The following MYO6 variants were observed in gnomAD, a reference collection of about 807,000 sequenced individuals.
MYO6 encodes unconventional myosin-VI.
Under a neutral mutation model 178.7 loss-of-function variants are expected in MYO6, and 74 were observed. The observed-to-expected ratio is 0.41, with a 90% CI of 0.34 to 0.50. The LOEUF (loss-of-function observed/expected upper bound fraction) is 0.50, where lower values mean the gene tolerates loss of function less well. Among genes scored for constraint, MYO6 ranks in the 20% least tolerant of loss-of-function variants. The pLI is 0.09. For synonymous variants in MYO6, 477 were observed against 504.6 expected, an observed-to-expected ratio of 0.95 and a Z score of 0.73; for missense variants, 1,330 against 1,547.4, an observed-to-expected ratio of 0.86 and a Z score of 2.36.
intron 1 of MYO6, among the ~76,000 whole-genome samples, chr6:75,777,840 A>G (rs1766544319): frequency 6.6e-6 from 1 of 152,180 alleles, no homozygotes; most frequent in Admixed American, 6.5e-5. Context: ...TTCAGTTTCC[A>G]GAATGAAATT....
chr6:75,845,353 C>T (rs546633552), intron 10 of MYO6, among the ~76,000 whole-genome samples: 2 of 152,204 alleles, frequency 1.3e-5, no homozygotes, highest in East Asian at 1.9e-4. Context: ...TCAAGGCTGA[C>T]GTGAGGTTTG....
rs1311289790 is a variant in MYO6 at position 75,917,777 on chromosome 6, T to C, written c.*2765T>C. 6.6e-6 allele frequency: 1 copy of C among 152,640 alleles called. No homozygotes were observed. Among genetic ancestry groups the C allele is most frequent in the Non-Finnish European group, 1.5e-5 (1 of 68,040 alleles). 9.5% of individuals were successfully genotyped at this position (152,640 alleles called of 1,614,324 possible). A position where few individuals can be genotyped will look rare whatever the true frequency, so the allele number is the denominator to read the frequency against. On this transcript the variant is annotated 3_prime_UTR_variant, in exon 35 of 35. Coordinates refer to ENST00000369977, the MANE Select transcript of MYO6 (RefSeq NM_004999.4). ...GAGAATAGCAATCCACAGGCAAGAATAATGGTATTGTTTGTAGAGCTTTAT... is the reference window on the plus strand; with the variant it reads ...GAGAATAGCAATCCACAGGCAAGAACAATGGTATTGTTTGTAGAGCTTTAT...
Position 75,879,927 on chromosome 6 carries a change from T to G in MYO6, c.2185T>G (p.Leu729Val). The change falls in exon 21 of 35, where the codon TTG becomes GTG. Residue 729 changes from leucine (L) to valine (V), a missense_variant. Leu to Val is a conservative substitution (Grantham distance 32). Transcript: ENST00000369977. ...KKYMPDKLAR[L>V]DPRLFCKALF... ...GTATATGCCAGATAAACTTGCAAGA[T>G]TGGATCCAAGACTATTTTGTAAGGT... The G allele has an allele frequency of 6.2e-7, 1 of 1,614,168 alleles. No individual in the cohort carries two copies. The highest frequency in any genetic ancestry group is 1.1e-5 in the South Asian group (1 of 91,086).
At chr6:75,749,959 A>G (rs961185767) in intron 1 of MYO6, among the ~76,000 whole-genome samples, 11 of 152,124 alleles carry the variant, frequency 7.2e-5, no homozygotes, top group African/African-American at 2.7e-4. Context: ...TTTTTTTGTT[A>G]ATTTCCAAAA....
At chr6:75,905,736 C>T (rs187592166) in intron 30 of MYO6, among the ~76,000 whole-genome samples, 69 of 152,350 alleles carry the variant, frequency 4.5e-4, no homozygotes, top group African/African-American at 1.5e-3. Flanking sequence ...GCCATCTTGG[C>T]TCGTGCCTCC....
At chr6:75,846,361 T>G (rs1335649502) in intron 10 of MYO6, among the ~76,000 whole-genome samples, 5 of 152,038 alleles carry the variant, frequency 3.3e-5, no homozygotes. Context: ...GCTTCTACAT[T>G]TGTAAGCCCG....
At position 75,749,250 on chromosome 6, in the gene MYO6, C is replaced by T. The variant is rs1002856816; in HGVS notation, c.-221C>T. Reference sequence around the variant, plus strand: ...GCCGGCCGGCGGGCGGAGACCGACTCGGGATCTGTCCGAGCAGGAAGCCAG... The same window carrying T: ...GCCGGCCGGCGGGCGGAGACCGACTTGGGATCTGTCCGAGCAGGAAGCCAG... On this transcript the variant is annotated 5_prime_UTR_variant, in exon 1 of 35. Transcript: ENST00000369977. 12 of 151,232 alleles carry T rather than the reference C, an allele frequency of 7.9e-5. No homozygotes were observed. The highest frequency in any genetic ancestry group is 2.7e-4 in the African/African-American group (11 of 41,366). 9.4% of individuals were successfully genotyped at this position (151,232 alleles called of 1,614,324 possible).
In MYO6 at chr6:75,919,398, T is replaced by G. The variant is rs1020702531; in HGVS notation, c.*4386T>G. 2 of 152,202 alleles carry G rather than the reference T, an allele frequency of 1.3e-5. No individual in the cohort carries two copies. The highest frequency in any genetic ancestry group is 1.3e-4 in the Admixed American group (2 of 15,180). The allele number at this position is 152,202 out of a possible 1,614,324, so 9.4% of individuals were successfully genotyped here. ...TCACAGGCTTATTAGTTGGGTGTTT[T>G]CTTTTTACTTATGAAAATTCATCTA... On this transcript the variant is annotated 3_prime_UTR_variant, in exon 35 of 35. Coordinates refer to ENST00000369977, the MANE Select transcript of MYO6 (RefSeq NM_004999.4).
chr6:75,795,605 G>A (rs1485948208), intron 1 of MYO6, among the ~76,000 whole-genome samples: 1 of 152,106 alleles, frequency 6.6e-6, no homozygotes, highest in East Asian at 1.9e-4. Context: ...ATTCCACTGG[G>A]AGACATTCCC....
intron 3 of MYO6, among the ~76,000 whole-genome samples, chr6:75,828,011 A>C (rs1455066835): frequency 5.3e-5 from 8 of 152,212 alleles, no homozygotes; most frequent in Non-Finnish European, 1.0e-4. Context: ...TTATCTGTTC[A>C]AACTCTCCCA....
At chr6:75,812,516 T>C (rs2150150978) in intron 1 of MYO6, among the ~76,000 whole-genome samples, 1 of 152,332 alleles carries the variant, frequency 6.6e-6, no homozygotes, top group South Asian at 2.1e-4. Flanking sequence ...TTGACTGTAG[T>C]CACCCTCTTG....
intron 1 of MYO6, among the ~76,000 whole-genome samples, chr6:75,789,293 C>T (rs1281262532): frequency 6.6e-6 from 1 of 152,152 alleles, no homozygotes; most frequent in Non-Finnish European, 1.5e-5. Flanking sequence ...CTAAATACAT[C>T]TCAATTTTAA....
At chr6:75,796,473 G>A (rs1273579112) in intron 1 of MYO6, among the ~76,000 whole-genome samples, 1 of 151,998 alleles carries the variant, frequency 6.6e-6, no homozygotes, top group Non-Finnish European at 1.5e-5. Flanking sequence ...TACATGTACA[G>A]GTTTGTTACA....
intron 13 of MYO6, 81 bp from the exon 14 acceptor site, chr6:75,858,821 T>C: frequency 1.2e-6 from 1 of 814,696 alleles, no homozygotes; most frequent in Non-Finnish European, 2.0e-6. Context: ...TAAGCCATTA[T>C]TACAATTACA....
At position 75,914,238 on chromosome 6, in the gene MYO6, A is replaced by G. The variant is rs765058576; in HGVS notation, c.3615A>G (p.Gln1205=). The stretch of plus-strand genomic sequence containing the variant: ...TTGATGGACCATGGATTGCCCGGCA[A>G]ATGGAACTCCATCCTGACAAGCCAC... ...AHFDGPWIAR[Q]MELHPDKPPI... The change falls in exon 34 of 35, where the codon CAA becomes CAG. Residue 1205 remains glutamine, a synonymous_variant. Coordinates refer to ENST00000369977, the MANE Select transcript of MYO6 (RefSeq NM_004999.4). The G allele has an allele frequency of 1.2e-6, 2 of 1,614,234 alleles. No individual in the cohort carries two copies. The highest frequency in any genetic ancestry group is 2.2e-5 in the East Asian group (1 of 44,882).
intron 11 of MYO6, among the ~76,000 whole-genome samples, chr6:75,854,839 G>T (rs191540643): frequency 6.4e-4 from 98 of 152,100 alleles, no homozygotes; most frequent in Non-Finnish European, 1.3e-3. Context: ...ATATTGAAAA[G>T]GATTATAATC....
At position 75,880,033 on chromosome 6, in the gene MYO6, T is replaced by G; in HGVS notation, c.2209-10T>G. 1 of 1,613,456 alleles carries G rather than the reference T, an allele frequency of 6.2e-7. No homozygotes were observed. Among genetic ancestry groups the G allele is most frequent in the Non-Finnish European group, 8.5e-7 (1 of 1,179,730 alleles). The stretch of plus-strand genomic sequence containing the variant: ...AATTGACATTTAACTTTTTAACTTT[T>G]ATTTTTCAGGCTTTGTTTAAAGCTT... On this transcript the variant is annotated splice_polypyrimidine_tract_variant and intron_variant, in intron 21 of 34. Transcript: ENST00000369977.
At chr6:75,815,714 A>G (rs1771168436) in intron 1 of MYO6, among the ~76,000 whole-genome samples, 2 of 152,218 alleles carry the variant, frequency 1.3e-5, no homozygotes, top group South Asian at 2.1e-4. Context: ...AAACATGCCA[A>G]TAGTTAGCTG....
intron 30 of MYO6, among the ~76,000 whole-genome samples, chr6:75,901,735 G>T (rs1436654907): frequency 6.6e-6 from 1 of 152,030 alleles, no homozygotes; most frequent in African/African-American, 2.4e-5. Context: ...CTGCCTAATT[G>T]CCCTGGCCAG....
Sources: allele counts gnomAD v4.1 joint callset (sites outside exome capture counted in the v4.1 genomes callset), GRCh38; gene constraint gnomAD v4.1.1; transcripts MANE v1.5; gene names NCBI Gene and HGNC (gene_info 2026-07-23, HGNC 2026-07-21).